NGLY1: variants seen among roughly 807,000 people sequenced by gnomAD.
NGLY1 encodes peptide-N(4)-(N-acetyl-beta-glucosaminyl)asparagine amidase.
NGLY1 carries 68 observed loss-of-function variants against 84.6 expected under a neutral mutation model. That is an observed-to-expected ratio of 0.80 (90% confidence interval 0.66 to 0.98). The LOEUF (loss-of-function observed/expected upper bound fraction) is 0.98, where lower values mean the gene tolerates loss of function less well. Ranked by LOEUF, NGLY1 falls within the 50% of genes least tolerant of loss-of-function variation. The pLI, the probability that NGLY1 is intolerant of heterozygous loss-of-function variation, is 0.00. For synonymous variants in NGLY1, 280 were observed against 275.2 expected (o/e 1.02, Z -0.17); for missense variants, 779 against 770.2 (o/e 1.01, Z -0.14).
intron 2 of NGLY1, among the ~76,000 whole-genome samples, chr3:25,765,347 C>G (rs752776913): frequency 6.6e-6 from 1 of 150,704 alleles, no homozygotes; most frequent in Non-Finnish European, 1.5e-5. Flanking sequence ...GTAATCCCAG[C>G]TACTTGGGAG....
chr3:25,774,016 T>G (rs1461380713), intron 2 of NGLY1, among the ~76,000 whole-genome samples: 1 of 152,136 alleles, frequency 6.6e-6, no homozygotes. Flanking sequence ...CTGATGGAGG[T>G]GGCAGGGGAG....
chr3:25,760,852 C>A (rs1490111813), intron 3 of NGLY1, among the ~76,000 whole-genome samples: 3 of 55,892 alleles, frequency 5.4e-5, no homozygotes, highest in Non-Finnish European at 7.1e-5. Flanking sequence ...AAGAGTGAAA[C>A]TCTGTCTCAA....
chr3:25,743,407 CCT>C (rs1276056558), intron 4 of NGLY1, among the ~76,000 whole-genome samples: 6 of 152,170 alleles, frequency 3.9e-5, no homozygotes, highest in African/African-American at 1.4e-4. Context: ...AACTTGCCAA[CCT>C]CACTCCCACC....
In NGLY1 at chr3:25,719,262, T is replaced by C; in HGVS notation, c.*198A>G. On this transcript the variant is annotated 3_prime_UTR_variant, in exon 12 of 12. Coordinates refer to ENST00000280700, the MANE Select transcript of NGLY1 (RefSeq NM_018297.4). ...GACTTTACTCCAAATTATAGTCACA[T>C]ATGGAAGAAAGGTTTTAATTCAATA... The C allele has an allele frequency of 2.3e-6, 1 of 428,666 alleles. No homozygotes were observed. The highest frequency in any genetic ancestry group is 4.2e-6 in the Non-Finnish European group (1 of 239,372). 26.6% of individuals were successfully genotyped at this position (428,666 alleles called of 1,614,324 possible). A position where few individuals can be genotyped will look rare whatever the true frequency, so the allele number is the denominator to read the frequency against.
chr3:25,721,891 T>C (rs1222681266), intron 10 of NGLY1, among the ~76,000 whole-genome samples: 5 of 151,698 alleles, frequency 3.3e-5, no homozygotes, highest in Admixed American at 3.3e-4. Flanking sequence ...CATCAAATCA[T>C]AAGCTCTCTG....
At chr3:25,740,345 T>C (rs867200217) in intron 4 of NGLY1, among the ~76,000 whole-genome samples, 10 of 152,100 alleles carry the variant, frequency 6.6e-5, no homozygotes, top group Non-Finnish European at 1.0e-4. Flanking sequence ...AACACAACCA[T>C]ATCTCTAGTA....
intron 2 of NGLY1, among the ~76,000 whole-genome samples, chr3:25,769,176 T>G (rs551339259): frequency 6.6e-6 from 1 of 152,044 alleles, no homozygotes; most frequent in Non-Finnish European, 1.5e-5. Context: ...CTGGCCAACA[T>G]GGTGAAACCC....
chr3:25,749,704 T>C, intron 4 of NGLY1: 1 of 1,584,044 alleles, frequency 6.3e-7, no homozygotes, highest in Non-Finnish European at 8.6e-7. Context: ...TGCTGCCCAG[T>C]GGCTTCCAGA....
At chr3:25,741,804 A>G (rs1706162433) in intron 4 of NGLY1, among the ~76,000 whole-genome samples, 1 of 151,994 alleles carries the variant, frequency 6.6e-6, no homozygotes, top group African/African-American at 2.4e-5. Context: ...CAGCCTGCCC[A>G]ACATGGTGAA....
intron 10 of NGLY1, among the ~76,000 whole-genome samples, chr3:25,728,578 T>A (rs574102461): frequency 7.0e-4 from 107 of 152,248 alleles, no homozygotes; most frequent in Non-Finnish European, 1.1e-3. Flanking sequence ...TTGGTATAAA[T>A]GAACTGCTAT....
chr3:25,787,636 T>A (rs1481979728), upstream of NGLY1, among the ~76,000 whole-genome samples: 1 of 152,212 alleles, frequency 6.6e-6, no homozygotes, highest in Non-Finnish European at 1.5e-5. Flanking sequence ...GAGTTTACCA[T>A]GTCCTTTCTA....
chr3:25,747,316 G>A (rs1304435576), intron 4 of NGLY1, among the ~76,000 whole-genome samples: 2 of 152,070 alleles, frequency 1.3e-5, no homozygotes, highest in Admixed American at 1.3e-4. Context: ...GACAGGGCCT[G>A]TATAATCACA....
At chr3:25,732,171 G>T (rs1374810690) in intron 9 of NGLY1, 148 bp downstream of exon 9, 3 of 601,956 alleles carry the variant, frequency 5.0e-6, no homozygotes, top group Non-Finnish European at 8.1e-6. Context: ...ATCAATTACT[G>T]GTTCTCTTCA....
chr3:25,774,389 T>C (rs550646344), intron 2 of NGLY1, among the ~76,000 whole-genome samples: 10 of 152,250 alleles, frequency 6.6e-5, no homozygotes, highest in Non-Finnish European at 1.0e-4. Flanking sequence ...TTATGTCTTT[T>C]CTCTCAGAAA....
chr3:25,758,120 C>G (rs1432791398), intron 3 of NGLY1, among the ~76,000 whole-genome samples: 2 of 152,184 alleles, frequency 1.3e-5, no homozygotes, highest in Non-Finnish European at 2.9e-5. Flanking sequence ...AGGGCAAACA[C>G]ATCATCTGCT....
chr3:25,734,042 C>G lies in NGLY1; in HGVS notation c.1150-60G>C. 5 of 1,585,532 alleles carry G rather than the reference C, an allele frequency of 3.2e-6. No homozygotes were observed. The South Asian group carries it at 5.7e-5, about 18-fold the overall frequency. ...GATTACAACCATCAACCTTTACTTA[C>G]TAAATACCTAGAATGTATGTAATTT... On this transcript the variant is annotated intron_variant, in intron 7 of 11. Transcript: ENST00000280700.
chr3:25,746,995 C>T (rs1486603966), intron 4 of NGLY1, among the ~76,000 whole-genome samples: 1 of 152,052 alleles, frequency 6.6e-6, no homozygotes, highest in Non-Finnish European at 1.5e-5. Flanking sequence ...GCAAATTAGC[C>T]CGGCTAATTT....
chr3:25,745,347 C>T (rs1440308075), intron 4 of NGLY1, among the ~76,000 whole-genome samples: 1 of 152,150 alleles, frequency 6.6e-6, no homozygotes, highest in Non-Finnish European at 1.5e-5. Context: ...CCTGTCCTCT[C>T]AATTTTAGCA....
In NGLY1 at chr3:25,758,238, T is replaced by C. The variant is rs147262781; in HGVS notation, c.492+5828A>G. Among the ~76,000 whole-genome samples, 1,114 of 152,292 alleles carry C rather than the reference T, an allele frequency of 7.3e-3. 12 individuals carry two copies. The highest frequency in any genetic ancestry group is 0.011 in the Non-Finnish European group (769 of 68,012). On this transcript the variant is annotated intron_variant, in intron 3 of 11. Coordinates refer to ENST00000280700, the MANE Select transcript of NGLY1 (RefSeq NM_018297.4). ...CTTAAATTCAAAATTATCAAGACTA[T>C]TTTAAATATGGATTTGTATACATTC...
Sources: gnomAD v4.1 joint callset for allele counts (sites outside exome capture counted in the v4.1 genomes callset) on GRCh38, gnomAD v4.1.1 for gene constraint, MANE v1.5 for transcripts, NCBI Gene and HGNC (gene_info 2026-07-23, HGNC 2026-07-21) for gene names.